OSTF1: variants seen among roughly 807,000 people sequenced by gnomAD.
The protein encoded by OSTF1 is osteoclast-stimulating factor 1.
Under a neutral mutation model 37.2 loss-of-function variants are expected in OSTF1, and 27 were observed. The observed-to-expected ratio is 0.73, with a 90% CI of 0.54 to 1.00. The LOEUF (loss-of-function observed/expected upper bound fraction) is 1.00. Among genes scored for constraint, OSTF1 ranks in the 50% least tolerant of loss-of-function variants. The probability of loss-of-function intolerance (pLI) is 0.00; values close to 1 mark genes in which losing one functional copy is unlikely to be tolerated. For missense variants in OSTF1, 232 were observed against 253.8 expected, an observed-to-expected ratio of 0.91 and a Z score of 0.58; for synonymous variants, 82 against 89.2, an observed-to-expected ratio of 0.92 and a Z score of 0.46.
At chr9:75,145,158 T>TCTATCTAC (rs1209701033) in intron 9 of OSTF1, among the ~76,000 whole-genome samples, 3 of 61,834 alleles carry the variant, frequency 4.9e-5, no homozygotes, top group African/African-American at 1.9e-4. Context: ...TATCTATCTA[T>TCTATCTAC]CTACCTATCT....
intron 1 of OSTF1, among the ~76,000 whole-genome samples, chr9:75,102,623 C>T (rs1469042814): frequency 2.6e-5 from 4 of 152,160 alleles, no homozygotes; most frequent in African/African-American, 7.2e-5. Context: ...ATCTTTTACC[C>T]CAGGCTTCAG....
rs577385509 is a variant in OSTF1, at chr9:75,096,773, G to A, written c.34+8047G>A. ...AGACGCTTCCAAACTTTAGCTCGCT[G>A]AGTGTGGGTTAGACGGGGTTGGCTG... On this transcript the variant is annotated intron_variant, in intron 1 of 9. Coordinates refer to ENST00000346234, the MANE Select transcript of OSTF1 (RefSeq NM_012383.5). 2.0e-5 allele frequency among the ~76,000 whole-genome samples: 3 copies of A among 152,314 alleles called. No homozygotes were observed. The South Asian group carries it at 6.2e-4, about 32-fold the overall frequency.
intron 9 of OSTF1, among the ~76,000 whole-genome samples, chr9:75,141,312 C>CAAAA (rs529293090): frequency 9.8e-5 from 7 of 71,664 alleles, no homozygotes; most frequent in Admixed American, 1.9e-4. Flanking sequence ...AAAAGAAAAC[C>CAAAA]AAAAAAAAAA....
rs763766032 is a variant in OSTF1, at chr9:75,088,712, A to G, written c.20A>G (p.Lys7Arg). Reference protein sequence around the residue: MSKPPPKPVKPGQVKVF... With the variant: MSKPPPRPVKPGQVKVF... The stretch of plus-strand genomic sequence containing the variant: ...AGCGAGATGTCGAAGCCGCCACCCA[A>G]ACCAGTCAAACCAGGTGAGGGAGGT... The change falls in exon 1 of 10, where the codon AAA becomes AGA. Residue 7 changes from lysine to arginine, a missense_variant. Lys to Arg is a conservative substitution (Grantham distance 26, BLOSUM62 2). Transcript: ENST00000346234. 6.2e-6 allele frequency: 10 copies of G among 1,608,964 alleles called. No individual in the cohort carries two copies. Among genetic ancestry groups the G allele is most frequent in the Non-Finnish European group, 7.6e-6 (9 of 1,177,564 alleles).
intron 1 of OSTF1, among the ~76,000 whole-genome samples, chr9:75,116,511 T>C (rs550540571): frequency 1.1e-3 from 174 of 152,110 alleles, no homozygotes; most frequent in Non-Finnish European, 1.7e-3. Flanking sequence ...GAGGAAGTAT[T>C]GTTTGGCAGG....
chr9:75,115,928 A>G (rs976380383), intron 1 of OSTF1, among the ~76,000 whole-genome samples: 1 of 151,842 alleles, frequency 6.6e-6, no homozygotes. Flanking sequence ...ACATGGCGAA[A>G]CCCCATCTCT....
chr9:75,128,621 A>G (rs1166839947), intron 3 of OSTF1, among the ~76,000 whole-genome samples: 1 of 101,236 alleles, frequency 9.9e-6, no homozygotes. Flanking sequence ...GTCCATATAT[A>G]TATATGGACA....
chr9:75,104,360 C>T (rs1307317203), intron 1 of OSTF1, among the ~76,000 whole-genome samples: 1 of 152,080 alleles, frequency 6.6e-6, no homozygotes, highest in Admixed American at 6.6e-5. Flanking sequence ...GCCTGGGTAA[C>T]AGCAAGACCC....
chr9:75,099,676 C>A (rs60727118), intron 1 of OSTF1, among the ~76,000 whole-genome samples: 37,995 of 152,068 alleles, frequency 0.25, 4,909 homozygotes, highest in African/African-American at 0.3. Context: ...GAAAATACAA[C>A]AAATTAGCCG....
Position 75,133,299 on chromosome 9 carries a change from T to G in OSTF1, c.256T>G (p.Leu86Val), listed in dbSNP as rs1825793865. 1.3e-6 allele frequency: 2 copies of G among 1,596,928 alleles called. No homozygotes were observed. The highest frequency in any genetic ancestry group is 1.7e-6 in the Non-Finnish European group (2 of 1,168,544). Residue 86 changes from leucine to valine, a missense_variant, in exon 6 of 10, where the codon TTG becomes GTG. Coordinates refer to ENST00000346234, the MANE Select transcript of OSTF1 (RefSeq NM_012383.5). ...PLHEAAKRGN[L>V]SWLRECLDNR... ...TAAATGTAAAATTCTTTCAGGCAAC[T>G]TGAGCTGGTTGAGAGAGTGTTTGGA...
intron 2 of OSTF1, among the ~76,000 whole-genome samples, chr9:75,125,780 A>C (rs917445569): frequency 6.6e-6 from 1 of 152,264 alleles, no homozygotes. Flanking sequence ...AGTTATAATA[A>C]GAATGTAGAT....
intron 1 of OSTF1, among the ~76,000 whole-genome samples, chr9:75,089,016 C>T (rs556100444): frequency 1.9e-4 from 29 of 152,114 alleles, no homozygotes; most frequent in Non-Finnish European, 2.9e-5. Flanking sequence ...GGTGTGATGG[C>T]AACGTCCCAT....
chr9:75,141,178 G>A (rs1409539322), intron 9 of OSTF1, among the ~76,000 whole-genome samples: 3 of 151,966 alleles, frequency 2.0e-5, no homozygotes, highest in Admixed American at 6.6e-5. Flanking sequence ...GTGTGGGCCT[G>A]TAGTCCCAGC....
intron 1 of OSTF1, among the ~76,000 whole-genome samples, chr9:75,092,248 C>T (rs1046196917): frequency 7.2e-5 from 11 of 152,316 alleles, no homozygotes; most frequent in African/African-American, 2.4e-4. Flanking sequence ...AGGGAAGTCC[C>T]GGGCAGATGC....
rs1355626897 is a variant in OSTF1 at position 75,140,846 on chromosome 9, A to G, written c.500A>G (p.Asp167Gly). 1.2e-6 allele frequency: 2 copies of G among 1,613,176 alleles called. No homozygotes were observed. Among genetic ancestry groups the G allele is most frequent in the Admixed American group, 1.7e-5 (1 of 60,024 alleles). The change falls in exon 9 of 10, where the codon GAC becomes GGC. Residue 167 changes from aspartate (D) to glycine (G), a missense_variant. Transcript: ENST00000346234. ...TTGTGTTGGGAAGGTGCTAGAACAG[A>G]CTTAAGAAACATTGAGAAGAAGCTG... is the stretch of plus-strand genomic sequence containing the variant. ...QLLLAKGART[D>G]LRNIEKKLAF...
intron 6 of OSTF1, among the ~76,000 whole-genome samples, chr9:75,133,835 A>G (rs534594277): frequency 6.6e-6 from 1 of 152,218 alleles, no homozygotes; most frequent in Non-Finnish European, 1.5e-5. Context: ...TAGTGATTCC[A>G]TTGATACTTT....
At chr9:75,111,812 T>C (rs1426660755) in intron 1 of OSTF1, among the ~76,000 whole-genome samples, 1 of 17,510 alleles carries the variant, frequency 5.7e-5, no homozygotes, top group Admixed American at 4.9e-4. Context: ...TGTTTACTGC[T>C]TTTTTTTTTT....
At chr9:75,139,738 A>G (rs1825910192) in intron 8 of OSTF1, among the ~76,000 whole-genome samples, 1 of 152,212 alleles carries the variant, frequency 6.6e-6, no homozygotes, top group African/African-American at 2.4e-5. Flanking sequence ...CCTTCTTGGA[A>G]AGCAATCTTA....
intron 6 of OSTF1, 55 bp downstream of exon 6, chr9:75,133,456 A>G: frequency 2.9e-6 from 3 of 1,046,346 alleles, no homozygotes; most frequent in East Asian, 2.4e-5. Flanking sequence ...TGTTTCACCT[A>G]CGGGAGCCAG....
Sources: allele counts gnomAD v4.1 joint callset (sites outside exome capture counted in the v4.1 genomes callset), GRCh38; gene constraint gnomAD v4.1.1; transcripts MANE v1.5; gene names NCBI Gene and HGNC (gene_info 2026-07-23, HGNC 2026-07-21).